Variants in EPHA6 observed in about 807,000 individuals in gnomAD.
EPHA6 encodes EPH receptor A6, also known as ephrin type-A receptor 6.
A neutral mutation model predicts 112.0 loss-of-function variants in EPHA6; 50 were observed. The observed-to-expected ratio is 0.45, with a 90% CI of 0.36 to 0.56. EPHA6 has a LOEUF of 0.56. Among genes scored for constraint, EPHA6 ranks in the 20% least tolerant of loss-of-function variants. The pLI is 0.00. For synonymous variants in EPHA6, 529 were observed against 490.7 expected (o/e 1.08, Z -1.03); for missense variants, 1,280 against 1,417.4 (o/e 0.90, Z 1.56).
At chr3:97,129,949 T>C (rs568858214) in intron 3 of EPHA6, among the ~76,000 whole-genome samples, 232 of 152,290 alleles carry the variant, frequency 1.5e-3, no homozygotes, top group Middle Eastern at 3.4e-3. Context: ...GCATTCTTGC[T>C]ACATTTGGGT....
chr3:97,095,652 A>G (rs1056002480), intron 3 of EPHA6, among the ~76,000 whole-genome samples: 6 of 152,048 alleles, frequency 3.9e-5, no homozygotes, highest in African/African-American at 1.4e-4. Context: ...ATGTGTGGCC[A>G]TATGACTAAG....
intron 2 of EPHA6, among the ~76,000 whole-genome samples, chr3:96,873,762 T>A (rs1387309782): frequency 6.6e-6 from 1 of 152,130 alleles, no homozygotes. Flanking sequence ...TCCCAGGTGC[T>A]CTTAGAGATT....
rs1325477768 is a variant in EPHA6, at chr3:97,754,847, G to GCGTC, written c.*6151_*6154dup. ...GTCTCCAGAGTAGCTGGAACTACAG[G>GCGTC]CGTCCGTCACCACGCCCGGCTAATT... On this transcript the variant is annotated 3_prime_UTR_variant, in exon 18 of 18. Transcript: ENST00000389672. 1.3e-5 allele frequency among the ~76,000 whole-genome samples: 2 copies of GCGTC among 152,188 alleles called. No individual in the cohort carries two copies. The highest frequency in any genetic ancestry group is 4.8e-5 in the African/African-American group (2 of 41,458).
intron 7 of EPHA6, among the ~76,000 whole-genome samples, chr3:97,465,662 T>C (rs2091027131): frequency 6.6e-6 from 1 of 152,014 alleles, no homozygotes; most frequent in Non-Finnish European, 1.5e-5. Flanking sequence ...AGTTTTGGCA[T>C]AAAGCAATAG....
At chr3:97,328,021 A>T (rs12495909) in intron 5 of EPHA6, among the ~76,000 whole-genome samples, 1 of 132,230 alleles carries the variant, frequency 7.6e-6, no homozygotes, top group South Asian at 2.2e-4. Context: ...ATGTGTATAT[A>T]TGTATATGTG....
At chr3:96,941,703 T>A (rs1170528489) in intron 2 of EPHA6, among the ~76,000 whole-genome samples, 5 of 152,250 alleles carry the variant, frequency 3.3e-5, no homozygotes. Context: ...GTTTTTCTGC[T>A]CTGTTTTTTC....
intron 3 of EPHA6, among the ~76,000 whole-genome samples, chr3:97,008,390 T>A (rs1456029571): frequency 6.6e-6 from 1 of 152,170 alleles, no homozygotes; most frequent in African/African-American, 2.4e-5. Flanking sequence ...TTCCGCTGGG[T>A]CGATTTGGCT....
chr3:96,927,173 G>A (rs1417073103), intron 2 of EPHA6, among the ~76,000 whole-genome samples: 1 of 152,204 alleles, frequency 6.6e-6, no homozygotes, highest in Admixed American at 6.5e-5. Flanking sequence ...GCAACAGCCG[G>A]AGCTGTACCT....
intron 2 of EPHA6, among the ~76,000 whole-genome samples, chr3:96,976,162 G>A (rs1201905814): frequency 6.6e-6 from 1 of 152,124 alleles, no homozygotes; most frequent in Non-Finnish European, 1.5e-5. Flanking sequence ...AATAGGGGTA[G>A]GAACTTTAAG....
At chr3:96,917,142 C>T (rs2039522312) in intron 2 of EPHA6, among the ~76,000 whole-genome samples, 2 of 151,850 alleles carry the variant, frequency 1.3e-5, no homozygotes, top group African/African-American at 4.8e-5. Flanking sequence ...ATTTTTTGGC[C>T]GGGTGTGGTG....
chr3:97,670,059 C>T (rs1389969653), intron 14 of EPHA6, among the ~76,000 whole-genome samples: 1 of 152,000 alleles, frequency 6.6e-6, no homozygotes, highest in East Asian at 1.9e-4. Flanking sequence ...CAATAAATAC[C>T]CCACCTAAAA....
intron 7 of EPHA6, chr3:97,466,438 C>A (rs1435452153): frequency 1.3e-6 from 2 of 1,556,636 alleles, no homozygotes; most frequent in Admixed American, 3.3e-5. Flanking sequence ...TTTCAAGTGA[C>A]AAAACTGTAC....
intron 2 of EPHA6, among the ~76,000 whole-genome samples, chr3:96,888,601 C>T (rs1192131599): frequency 6.6e-6 from 1 of 152,212 alleles, no homozygotes; most frequent in Non-Finnish European, 1.5e-5. Context: ...TGAACTCTTT[C>T]AGCCATGCCT....
intron 3 of EPHA6, among the ~76,000 whole-genome samples, chr3:97,180,853 G>C (rs931352006): frequency 5.3e-5 from 8 of 152,074 alleles, no homozygotes. Flanking sequence ...TCCCTTGGCT[G>C]TCCTAGCTAG....
chr3:96,817,550 GT>G (rs1349096240), intron 1 of EPHA6, among the ~76,000 whole-genome samples: 2 of 151,690 alleles, frequency 1.3e-5, no homozygotes, highest in African/African-American at 4.8e-5. Context: ...AGTTTTAATT[GT>G]CCAATAATTT....
At chr3:97,102,794 T>C (rs1050586502) in intron 3 of EPHA6, among the ~76,000 whole-genome samples, 2 of 152,068 alleles carry the variant, frequency 1.3e-5, no homozygotes, top group African/African-American at 4.8e-5. Flanking sequence ...TGTTATCTTT[T>C]TTTTTGGCTT....
intron 3 of EPHA6, among the ~76,000 whole-genome samples, chr3:97,225,459 G>A (rs1049528231): frequency 1.3e-5 from 2 of 152,050 alleles, no homozygotes; most frequent in East Asian, 3.9e-4. Context: ...GAAAATGTTA[G>A]CAATGTTTCT....
intron 3 of EPHA6, among the ~76,000 whole-genome samples, chr3:97,182,641 T>C (rs2077020866): frequency 6.6e-6 from 1 of 152,106 alleles, no homozygotes; most frequent in Non-Finnish European, 1.5e-5. Flanking sequence ...ATCAGTCTAG[T>C]TTCAATCAGT....
intron 4 of EPHA6, among the ~76,000 whole-genome samples, chr3:97,230,740 C>T (rs1010285319): frequency 6.6e-6 from 1 of 152,126 alleles, no homozygotes; most frequent in African/African-American, 2.4e-5. Context: ...AGAGGTAGCT[C>T]TGAGTTTAGG....
Sources: gnomAD v4.1 joint callset for allele counts (sites outside exome capture counted in the v4.1 genomes callset) on GRCh38, gnomAD v4.1.1 for gene constraint, MANE v1.5 for transcripts, NCBI Gene and HGNC (gene_info 2026-07-23, HGNC 2026-07-21) for gene names.